The following PTP4A3 variants were observed in gnomAD, a reference collection of about 807,000 sequenced individuals.
The protein encoded by PTP4A3 is protein tyrosine phosphatase type IVA 3.
In PTP4A3, 9 loss-of-function variants were observed where a neutral mutation model predicts 15.2. The observed-to-expected ratio is 0.59, with a 90% confidence interval of 0.36 to 1.03. The LOEUF (loss-of-function observed/expected upper bound fraction) is 1.03. Among genes scored for constraint, PTP4A3 ranks in the 50% least tolerant of loss-of-function variants. PTP4A3 has a pLI of 0.02. For missense variants in PTP4A3, 234 were observed against 252.1 expected, an observed-to-expected ratio of 0.93 and a Z score of 0.49; for synonymous variants, 95 against 102.0, an observed-to-expected ratio of 0.93 and a Z score of 0.41.
rs1833368766 is a variant in PTP4A3, at chr8:141,422,275, TGA to T, written c.37_38del (p.Ser13LeufsTer22). 1.2e-6 allele frequency: 2 copies of T among 1,612,608 alleles called. No homozygotes were observed. Among genetic ancestry groups the T allele is most frequent in the African/African-American group, 2.7e-5 (2 of 74,762 alleles). ...ATGAACCGCCCGGCCCCGGTGGAGG[TGA>T]GCTACAAACACATGCGCTTCCTCAT... On this transcript the variant is annotated frameshift_variant, in exon 2 of 6. Transcript: ENST00000521578. LOFTEE classifies it high-confidence loss of function.
chr8:141,426,836 T>C, intron 3 of PTP4A3, 103 bp from the exon 4 acceptor site: 1 of 1,495,278 alleles, frequency 6.7e-7, no homozygotes, highest in Non-Finnish European at 9.0e-7. Flanking sequence ...AGTGGGCTCC[T>C]GGCACCCTCT....
chr8:141,426,630 T>TC (rs1238157451), intron 3 of PTP4A3: 1 of 984,788 alleles, frequency 1.0e-6, no homozygotes, highest in African/African-American at 1.8e-5. Flanking sequence ...GGCTGACAGG[T>TC]GTGGGGATTA....
rs1291373934 is a variant in PTP4A3 at position 141,421,493 on chromosome 8, C to G, written c.-748C>G. 1 of 152,566 alleles carries G rather than the reference C, an allele frequency of 6.6e-6. No homozygotes were observed. Among genetic ancestry groups the G allele is most frequent in the Non-Finnish European group, 1.5e-5 (1 of 68,306 alleles). 9.5% of individuals were successfully genotyped at this position (152,566 alleles called of 1,614,324 possible). On this transcript the variant is annotated 5_prime_UTR_variant, in exon 2 of 6. Transcript: ENST00000521578. ...GCCGCGCCTCCTGCTGAGGGGTCCC[C>G]GTGCCACTGGCTCTCACCATTGCCC...
chr8:141,430,805 G>T, intron 5 of PTP4A3, 122 bp from the exon 6 acceptor site: 1 of 879,012 alleles, frequency 1.1e-6, no homozygotes, highest in Non-Finnish European at 1.8e-6. Flanking sequence ...GACAGGAGGG[G>T]CTTGGCCAGC....
At chr8:141,397,704 G>C (rs1832488679) in intron 1 of PTP4A3, among the ~76,000 whole-genome samples, 1 of 152,246 alleles carries the variant, frequency 6.6e-6, no homozygotes, top group Non-Finnish European at 1.5e-5. Flanking sequence ...TTTGGGACCA[G>C]TGTTCTTGTC....
At chr8:141,428,665 C>T (rs1379265282) in intron 5 of PTP4A3, among the ~76,000 whole-genome samples, 4 of 152,228 alleles carry the variant, frequency 2.6e-5, no homozygotes, top group African/African-American at 7.2e-5. Flanking sequence ...TGGGTCTGTG[C>T]GAGAGCGTGG....
chr8:141,427,210 C>A, intron 4 of PTP4A3, 141 bp downstream of exon 4: 1 of 1,225,678 alleles, frequency 8.2e-7, no homozygotes, highest in Non-Finnish European at 1.1e-6. Flanking sequence ...TGCTGGGGCT[C>A]CCAGACTGGT....
chr8:141,393,684 C>T (rs556921484), intron 1 of PTP4A3, among the ~76,000 whole-genome samples: 2 of 152,344 alleles, frequency 1.3e-5, no homozygotes, highest in Admixed American at 6.5e-5. Context: ...CGGAAGCTTG[C>T]GCTGACCACT....
chr8:141,398,525 C>T (rs990024848), intron 1 of PTP4A3, among the ~76,000 whole-genome samples: 4 of 152,152 alleles, frequency 2.6e-5, no homozygotes, highest in Non-Finnish European at 5.9e-5. Flanking sequence ...GCAGGGCCTG[C>T]GGGGATCAGA....
chr8:141,407,986 G>A (rs536455647), intron 1 of PTP4A3, among the ~76,000 whole-genome samples: 1 of 130,448 alleles, frequency 7.7e-6, no homozygotes, highest in East Asian at 3.0e-4. Context: ...GCGTGGCCCA[G>A]GGAAGCCAAA....
rs572576718 is a variant in PTP4A3 at position 141,430,201 on chromosome 8, C to T, written c.405-726C>T. Among the ~76,000 whole-genome samples the T allele has an allele frequency of 9.4e-4, 133 of 141,566 alleles. 1 individual carries two copies. Among genetic ancestry groups the T allele is most frequent in the Non-Finnish European group, 1.7e-3 (110 of 65,580 alleles). The allele number at this position is 141,566 out of a possible 152,430, so 92.9% of individuals were successfully genotyped here. A position where few individuals can be genotyped will look rare whatever the true frequency, so the allele number is the denominator to read the frequency against. ...GGTCCCCGCTGTAAGGACCAGGTGG[C>T]GGGGACAGGGTGAGCGCATAGCCCA... On this transcript the variant is annotated intron_variant, in intron 5 of 5. Coordinates refer to ENST00000521578, the MANE Select transcript of PTP4A3 (RefSeq NM_032611.3).
Position 141,422,055 on chromosome 8 carries a change from C to A in PTP4A3, c.-186C>A, listed in dbSNP as rs1009573685. On this transcript the variant is annotated 5_prime_UTR_variant, in exon 2 of 6. Coordinates refer to ENST00000521578, the MANE Select transcript of PTP4A3 (RefSeq NM_032611.3). Reference sequence around the variant, plus strand: ...TCCAAACAGTGGGCAGCTTCCTCCCCCACACCCAAGTATTTGCACAATATT... The same window carrying A: ...TCCAAACAGTGGGCAGCTTCCTCCCACACACCCAAGTATTTGCACAATATT... 2.6e-5 allele frequency: 14 copies of A among 548,086 alleles called. No homozygotes were observed. Among genetic ancestry groups the A allele is most frequent in the Non-Finnish European group, 4.5e-5 (14 of 312,938 alleles). The allele number at this position is 548,086 out of a possible 1,614,324, so 34.0% of individuals were successfully genotyped here. A position where few individuals can be genotyped will look rare whatever the true frequency, so the allele number is the denominator to read the frequency against.
At chr8:141,426,528 G>T in intron 3 of PTP4A3, 4 of 985,420 alleles carry the variant, frequency 4.1e-6, no homozygotes, top group Non-Finnish European at 4.8e-6. Flanking sequence ...CCAGCACAGG[G>T]GATGAGACCC....
At chr8:141,418,141 G>T (rs1303212934) in intron 1 of PTP4A3, among the ~76,000 whole-genome samples, 1 of 152,110 alleles carries the variant, frequency 6.6e-6, no homozygotes, top group Non-Finnish European at 1.5e-5. Context: ...GGAGGGGGCC[G>T]CGCCCCTTAC....
Position 141,430,885 on chromosome 8 carries a change from C to T in PTP4A3, c.405-42C>T, listed in dbSNP as rs749067346. On this transcript the variant is annotated intron_variant, in intron 5 of 5. Coordinates refer to ENST00000521578, the MANE Select transcript of PTP4A3 (RefSeq NM_032611.3). ...CCTGGGGCAGGTGAGATGGCCGAGC[C>T]AGGTCCTTGGATGATCTCTGTTCCT... is the stretch of plus-strand genomic sequence containing the variant. 1.7e-5 allele frequency: 27 copies of T among 1,599,780 alleles called. No homozygotes were observed. The African/African-American group carries it at 2.3e-4, about 13-fold the overall frequency.
chr8:141,404,389 G>A (rs1260813783), intron 1 of PTP4A3, among the ~76,000 whole-genome samples: 1 of 152,270 alleles, frequency 6.6e-6, no homozygotes, highest in African/African-American at 2.4e-5. Flanking sequence ...TAGGATTGGA[G>A]GGTCCATTGG....
chr8:141,431,006 GACCC>G lies in PTP4A3; in HGVS notation c.487_490del (p.Pro163ThrfsTer22), dbSNP rs1833848367. On this transcript the variant is annotated frameshift_variant, in exon 6 of 6. Transcript: ENST00000521578. LOFTEE classifies it high-confidence loss of function. ...GCCCAAACAGAGGCTGCGGTTCAAA[GACCC>G]ACACACGCACAAGACCCGGTGCTGC... 1.2e-6 allele frequency: 2 copies of G among 1,613,202 alleles called. No individual in the cohort carries two copies. The highest frequency in any genetic ancestry group is 1.7e-5 in the Admixed American group (1 of 60,004).
At chr8:141,428,642 G>A (rs535923954) in intron 5 of PTP4A3, among the ~76,000 whole-genome samples, 37 of 151,988 alleles carry the variant, frequency 2.4e-4, no homozygotes, top group African/African-American at 8.0e-4. Context: ...CTGCGAGAGC[G>A]TGGCCCGCCC....
intron 1 of PTP4A3, among the ~76,000 whole-genome samples, chr8:141,420,736 C>T (rs986709776): frequency 1.5e-4 from 23 of 152,134 alleles, no homozygotes; most frequent in Non-Finnish European, 2.9e-4. Flanking sequence ...GACACAGTGG[C>T]GGGGGGACAC....
Sources: gnomAD v4.1 joint callset for allele counts (sites outside exome capture counted in the v4.1 genomes callset) on GRCh38, gnomAD v4.1.1 for gene constraint, MANE v1.5 for transcripts, NCBI Gene and HGNC (gene_info 2026-07-23, HGNC 2026-07-21) for gene names.